The following UHRF2 variants were observed in gnomAD, a reference collection of about 807,000 sequenced individuals.
The protein encoded by UHRF2 is E3 ubiquitin-protein ligase UHRF2.
In UHRF2, 23 loss-of-function variants were observed where a neutral mutation model predicts 96.8. That is an observed-to-expected ratio of 0.24 (90% CI 0.17 to 0.34). The LOEUF is 0.34. UHRF2 is among the 10% of genes least tolerant of loss of function. UHRF2 has a pLI of 1.00. For missense variants in UHRF2, 685 were observed against 981.5 expected, an observed-to-expected ratio of 0.70 and a Z score of 4.04; for synonymous variants, 385 against 332.6, an observed-to-expected ratio of 1.16 and a Z score of -1.72.
At chr9:6,491,003 T>C (rs1433481642) in intron 9 of UHRF2, among the ~76,000 whole-genome samples, 3 of 152,244 alleles carry the variant, frequency 2.0e-5, no homozygotes, top group Non-Finnish European at 4.4e-5. Flanking sequence ...ATGAAGCCAG[T>C]GATCTTTGTT....
chr9:6,476,584 T>C (rs1277560962), intron 5 of UHRF2, among the ~76,000 whole-genome samples: 1 of 152,036 alleles, frequency 6.6e-6, no homozygotes, highest in Admixed American at 6.6e-5. Context: ...ATGATGGGGC[T>C]TTTTTTGTTT....
At chr9:6,463,893 C>T (rs1370879197) in intron 4 of UHRF2, among the ~76,000 whole-genome samples, 3 of 152,058 alleles carry the variant, frequency 2.0e-5, no homozygotes, top group African/African-American at 7.3e-5. Context: ...CTGTTAGAAA[C>T]AGTGCTGCCA....
chr9:6,433,862 T>C (rs1341483976), intron 2 of UHRF2, 52 bp from the exon 3 acceptor site: 8 of 1,563,796 alleles, frequency 5.1e-6, no homozygotes, highest in Non-Finnish European at 6.9e-6. Flanking sequence ...TTAAGGTTTT[T>C]GAAGCAGTAG....
chr9:6,433,833 A>G (rs888208391), intron 2 of UHRF2, 81 bp from the exon 3 acceptor site: 3 of 1,447,970 alleles, frequency 2.1e-6, no homozygotes, highest in African/African-American at 2.8e-5. Flanking sequence ...ATGATAACCC[A>G]CAAATAACTT....
chr9:6,420,435 T>TG (rs74573824), intron 1 of UHRF2, among the ~76,000 whole-genome samples: 150,876 of 150,880 alleles, frequency 1, 75,436 homozygotes, highest in Non-Finnish European at 1. Flanking sequence ...CCGGGTGCGG[T>TG]GCTCACGCTG....
At chr9:6,501,722 T>C (rs1456513959) in intron 14 of UHRF2, among the ~76,000 whole-genome samples, 1 of 152,246 alleles carries the variant, frequency 6.6e-6, no homozygotes, top group Non-Finnish European at 1.5e-5. Context: ...ACTTGTATTT[T>C]AGCCAAGACA....
At chr9:6,475,714 A>G (rs999855660) in intron 5 of UHRF2, among the ~76,000 whole-genome samples, 5 of 152,104 alleles carry the variant, frequency 3.3e-5, no homozygotes, top group African/African-American at 1.2e-4. Context: ...TTATCTTGGT[A>G]TTTTATTGCT....
chr9:6,420,429 G>A (rs1015297793), intron 1 of UHRF2, among the ~76,000 whole-genome samples: 2 of 66 alleles, frequency 0.03, no homozygotes, highest in Non-Finnish European at 0.077. Context: ...TTATGGCCGG[G>A]TGCGGTGCTC....
chr9:6,422,326 C>T (rs1014924497), intron 2 of UHRF2, among the ~76,000 whole-genome samples: 2 of 152,100 alleles, frequency 1.3e-5, no homozygotes, highest in African/African-American at 4.8e-5. Context: ...CTCATCTGCC[C>T]TCCTCGGTCT....
intron 8 of UHRF2, among the ~76,000 whole-genome samples, chr9:6,486,030 G>C (rs1346739765): frequency 6.6e-6 from 1 of 152,100 alleles, no homozygotes; most frequent in Non-Finnish European, 1.5e-5. Context: ...TATGTTCCTT[G>C]AAGGAGAAGC....
intron 3 of UHRF2, among the ~76,000 whole-genome samples, chr9:6,435,638 G>T (rs1190269136): frequency 6.6e-6 from 1 of 151,988 alleles, no homozygotes; most frequent in Non-Finnish European, 1.5e-5. Flanking sequence ...ACAGAGTCTT[G>T]CTCTGTCACC....
At position 6,486,944 on chromosome 9, in the gene UHRF2, T is replaced by C. The variant is rs750565516; in HGVS notation, c.1497+19T>C. 6.2e-7 allele frequency: 1 copy of C among 1,610,476 alleles called. No individual in the cohort carries two copies. Among genetic ancestry groups the C allele is most frequent in the South Asian group, 1.1e-5 (1 of 90,846 alleles). On this transcript the variant is annotated intron_variant, in intron 9 of 15. Transcript: ENST00000276893. Reference sequence around the variant, plus strand: ...TGAAGTCGTAAGTCATTATACAACCTTACTCATTAGTACCTGCCTTGACCA... The same window carrying C: ...TGAAGTCGTAAGTCATTATACAACCCTACTCATTAGTACCTGCCTTGACCA...
At chr9:6,478,701 C>T (rs561906801) in intron 6 of UHRF2, among the ~76,000 whole-genome samples, 1 of 152,126 alleles carries the variant, frequency 6.6e-6, no homozygotes, top group African/African-American at 2.4e-5. Context: ...TCAGAAATAA[C>T]TGATGTCACA....
chr9:6,449,856 AGTTG>A (rs1821744388), intron 3 of UHRF2, among the ~76,000 whole-genome samples: 1 of 152,168 alleles, frequency 6.6e-6, no homozygotes, highest in Non-Finnish European at 1.5e-5. Flanking sequence ...GTGTTGTCAC[AGTTG>A]GTTGTTGGAG....
chr9:6,486,846 C>T lies in UHRF2; in HGVS notation c.1418C>T (p.Pro473Leu). The stretch of plus-strand genomic sequence containing the variant: ...GTGAGCGAAGCAGGTGTTCACAGAC[C>T]CCATGTTGGTGGAATTCATGGTCGA... Reference protein sequence around the residue: ...VQVSEAGVHRPHVGGIHGRSN... With the variant: ...VQVSEAGVHRLHVGGIHGRSN... The change falls in exon 9 of 16, where the codon CCC becomes CTC. Residue 473 changes from proline (P) to leucine (L), a missense_variant. Transcript: ENST00000276893. The T allele has an allele frequency of 6.2e-7, 1 of 1,614,030 alleles. No individual in the cohort carries two copies. The highest frequency in any genetic ancestry group is 8.5e-7 in the Non-Finnish European group (1 of 1,179,990).
chr9:6,459,219 AAG>A (rs1395309468), intron 3 of UHRF2, among the ~76,000 whole-genome samples: 180 of 152,244 alleles, frequency 1.2e-3, no homozygotes, highest in African/African-American at 4.1e-3. Flanking sequence ...ATTTTAAAAA[AAG>A]AAAGAAAGAA....
At chr9:6,468,695 C>G (rs953769089) in intron 4 of UHRF2, 7 of 455,898 alleles carry the variant, frequency 1.5e-5, no homozygotes, top group Admixed American at 9.4e-5. Context: ...GGACAAGAGG[C>G]TGGAAATGTA....
At chr9:6,465,664 T>TC (rs1407577241) in intron 4 of UHRF2, among the ~76,000 whole-genome samples, 1 of 152,212 alleles carries the variant, frequency 6.6e-6, no homozygotes, top group Non-Finnish European at 1.5e-5. Flanking sequence ...TTTTGACCAT[T>TC]CTCATCAGAG....
At chr9:6,473,796 C>A (rs1055738117) in intron 4 of UHRF2, among the ~76,000 whole-genome samples, 1 of 152,302 alleles carries the variant, frequency 6.6e-6, no homozygotes, top group African/African-American at 2.4e-5. Flanking sequence ...TAACTAAGTT[C>A]TAATAAAACT....
Sources: allele counts gnomAD v4.1 joint callset (sites outside exome capture counted in the v4.1 genomes callset), GRCh38; gene constraint gnomAD v4.1.1; transcripts MANE v1.5; gene names NCBI Gene and HGNC (gene_info 2026-07-23, HGNC 2026-07-21).